Variants in ZFPM1 observed in about 807,000 individuals in gnomAD.
ZFPM1 encodes the protein zinc finger protein ZFPM1.
A neutral mutation model predicts 46.3 loss-of-function variants in ZFPM1; 28 were observed. The observed-to-expected ratio is 0.60, with a 90% CI of 0.45 to 0.83. The LOEUF is 0.83. Among genes scored for constraint, ZFPM1 ranks in the 40% least tolerant of loss-of-function variants. The pLI is 0.00. For synonymous variants in ZFPM1, 957 were observed against 675.9 expected (o/e 1.42, Z -6.45); for missense variants, 1,878 against 1,432.4 (o/e 1.31, Z -5.02).
chr16:88,460,922 C>CGGGGCGGGAGGCCTGGTGATGACCGA (rs1907797258), intron 1 of ZFPM1, among the ~76,000 whole-genome samples: 1 of 27,194 alleles, frequency 3.7e-5, no homozygotes, highest in African/African-American at 1.1e-4. Flanking sequence ...GACCGAGGGG[C>CGGGGCGGGAGGCCTGGTGATGACCGA]GGGGCGGGAG....
chr16:88,472,811 G>A (rs1244709146), intron 1 of ZFPM1, among the ~76,000 whole-genome samples: 1 of 152,262 alleles, frequency 6.6e-6, no homozygotes, highest in East Asian at 1.9e-4. Context: ...CTCCCTGATG[G>A]TGGCTCCCAC....
rs1212146508 is a variant in ZFPM1 at position 88,501,618 on chromosome 16, G to A, written c.268+12465G>A. Among the ~76,000 whole-genome samples the A allele has an allele frequency of 2.0e-4, 27 of 134,036 alleles. 4 individuals are homozygous for A. Among genetic ancestry groups the A allele is most frequent in the African/African-American group, 7.5e-4 (26 of 34,768 alleles). 87.9% of individuals were successfully genotyped at this position (134,036 alleles called of 152,430 possible). ...CTCTCCCGCAGGTACTGGTGATGAT[G>A]GAGATAGTGGGCCTGGGTGCGTGGG... is the stretch of plus-strand genomic sequence containing the variant. On this transcript the variant is annotated intron_variant, in intron 3 of 9. Transcript: ENST00000319555.
chr16:88,471,662 G>A lies in ZFPM1; in HGVS notation c.41-14277G>A, dbSNP rs530343481. On this transcript the variant is annotated intron_variant, in intron 1 of 9. Transcript: ENST00000319555. This position sits in a 1 kb window ranked among gnomAD's most constrained non-coding sequence, Gnocchi z 4.1. ...TCAGGGCCCCAAGATGACCGTGGCC[G>A]CGGTGGCTCCCACACACAGTGGAGG... 4.3e-4 allele frequency among the ~76,000 whole-genome samples: 66 copies of A among 152,236 alleles called. No homozygotes were observed. Among genetic ancestry groups the A allele is most frequent in the African/African-American group, 1.5e-3 (62 of 41,532 alleles).
Position 88,533,321 on chromosome 16 carries a change from C to T in ZFPM1, c.1363C>T (p.Pro455Ser), listed in dbSNP as rs1435134637. Residue 455 changes from proline (P) to serine (S), a missense_variant, in exon 10 of 10, where the codon CCC becomes TCC. Physicochemically the swap from Pro to Ser is moderately conservative, Grantham distance 74. Coordinates refer to ENST00000319555, the MANE Select transcript of ZFPM1 (RefSeq NM_153813.3). ...GGCCCAGAATGGAGGCAGCAGCGAG[C>T]CCCCGGCGGCCCCCAGGAGCATCAA... ...PLAQNGGSSEPPAAPRSIKVE... is the reference protein window; with the variant it reads ...PLAQNGGSSESPAAPRSIKVE... 11 of 1,527,966 alleles carry T rather than the reference C, an allele frequency of 7.2e-6. No individual in the cohort carries two copies. The highest frequency in any genetic ancestry group is 6.9e-5 in the African/African-American group (5 of 72,164). 94.7% of individuals were successfully genotyped at this position (1,527,966 alleles called of 1,614,324 possible). A position where few individuals can be genotyped will look rare whatever the true frequency, so the allele number is the denominator to read the frequency against.
intron 3 of ZFPM1, among the ~76,000 whole-genome samples, chr16:88,493,063 A>AGAGCTGTCCCGGGGTGCAGG (rs1861986754): frequency 1.6e-5 from 2 of 121,478 alleles, no homozygotes; most frequent in African/African-American, 3.1e-5. Flanking sequence ...CGGGGTGCGG[A>AGAGCTGTCCCGGGGTGCAGG]GAGCTGTCCC....
At position 88,534,706 on chromosome 16, in the gene ZFPM1, C is replaced by A. The variant is rs1273971995; in HGVS notation, c.2748C>A (p.Gly916=). ...CCTCCCCGCAGCCCGGGTCCCGTGG[C>A]CCCCGGGACGGCCTCGGCCCGGAGC... ...PAASPQPGSR[G]PRDGLGPEPQ... The change falls in exon 10 of 10, where the codon GGC becomes GGA. Residue 916 remains glycine, a synonymous_variant. Transcript: ENST00000319555. The A allele has an allele frequency of 1.0e-6, 1 of 979,272 alleles. No homozygotes were observed. 60.7% of individuals were successfully genotyped at this position (979,272 alleles called of 1,614,324 possible). A position where few individuals can be genotyped will look rare whatever the true frequency, so the allele number is the denominator to read the frequency against.
intron 3 of ZFPM1, 127 bp downstream of exon 3, chr16:88,489,280 T>G: frequency 1.4e-6 from 2 of 1,390,682 alleles, no homozygotes; most frequent in Non-Finnish European, 1.9e-6. Context: ...GGCCCAGGCC[T>G]GTGCCTAGTC....
intron 1 of ZFPM1, among the ~76,000 whole-genome samples, chr16:88,477,272 G>C (rs1472951601): frequency 6.6e-6 from 1 of 152,268 alleles, no homozygotes; most frequent in African/African-American, 2.4e-5. Flanking sequence ...CAGCGGAGAA[G>C]GGCACGGGGA....
At chr16:88,532,452 C>T (rs1597289462) in intron 7 of ZFPM1, among the ~76,000 whole-genome samples, 162 bp from the exon 8 acceptor site, 1 of 151,970 alleles carries the variant, frequency 6.6e-6, no homozygotes, top group African/African-American at 2.4e-5. Context: ...CACTGCTGTC[C>T]CGAGAGACAA....
chr16:88,528,203 G>A lies in ZFPM1; in HGVS notation c.677G>A (p.Gly226Glu). 1 of 1,610,244 alleles carries A rather than the reference G, an allele frequency of 6.2e-7. No individual in the cohort carries two copies. The highest frequency in any genetic ancestry group is 1.1e-5 in the South Asian group (1 of 90,836). ...CTCCAGCTCCTGCCCCAGCAGGCCG[G>A]GATGGCCTCCATCCTTGCCACCGCA... ...HDLQLLPQQA[G>E]MASILATAVI... The change falls in exon 6 of 10, where the codon GGG becomes GAG. Residue 226 changes from glycine to glutamate, a missense_variant. Transcript: ENST00000319555.
rs556189738 is a variant in ZFPM1 at position 88,467,069 on chromosome 16, G to T, written c.40+13391G>T. On this transcript the variant is annotated intron_variant, in intron 1 of 9. Transcript: ENST00000319555. ...CAGCCCACCCTCCCTGAATCCTACT[G>T]GCATTCTTCCTGCACGGTTTTCCGC... is the stretch of plus-strand genomic sequence containing the variant. Among the ~76,000 whole-genome samples, 11 of 152,198 alleles carry T rather than the reference G, an allele frequency of 7.2e-5. No individual in the cohort carries two copies. The South Asian group carries it at 2.1e-3, about 29-fold the overall frequency.
At chr16:88,494,445 C>G (rs1032761370) in intron 3 of ZFPM1, among the ~76,000 whole-genome samples, 1 of 152,184 alleles carries the variant, frequency 6.6e-6, no homozygotes, top group East Asian at 1.9e-4. Flanking sequence ...GCAGGACGCC[C>G]GGCCGGGGTG....
chr16:88,478,515 G>A (rs766018610), intron 1 of ZFPM1, among the ~76,000 whole-genome samples: 7 of 152,256 alleles, frequency 4.6e-5, no homozygotes, highest in African/African-American at 1.4e-4. Flanking sequence ...GTAAGGGGTC[G>A]CTGTCACGGT....
chr16:88,517,780 G>A (rs1278110583), intron 4 of ZFPM1, among the ~76,000 whole-genome samples: 1 of 145,252 alleles, frequency 6.9e-6, no homozygotes, highest in African/African-American at 2.6e-5. Context: ...GTAGATGGAT[G>A]GATGAATGAA....
chr16:88,502,875 G>A (rs1910445150), intron 3 of ZFPM1, among the ~76,000 whole-genome samples: 2 of 150,536 alleles, frequency 1.3e-5, no homozygotes, highest in South Asian at 4.2e-4. Context: ...ATGCCCGTTT[G>A]TGGGTCTCTG....
chr16:88,502,081 T>G (rs1199710792), intron 3 of ZFPM1, among the ~76,000 whole-genome samples: 1 of 131,290 alleles, frequency 7.6e-6, no homozygotes, highest in Non-Finnish European at 1.6e-5. Context: ...TTTATTTATT[T>G]ATTTATTTAT....
At chr16:88,506,222 G>C (rs1013038068) in intron 3 of ZFPM1, among the ~76,000 whole-genome samples, 142 of 108,234 alleles carry the variant, frequency 1.3e-3, no homozygotes, top group Admixed American at 2.9e-3. Flanking sequence ...CCAGGGGCAG[G>C]GGCAGGGAGA....
chr16:88,493,634 G>C (rs577704704), intron 3 of ZFPM1, among the ~76,000 whole-genome samples: 2 of 102,404 alleles, frequency 2.0e-5, no homozygotes, highest in East Asian at 3.8e-4. Flanking sequence ...GAGCTGTCCC[G>C]GGGTGCGGTG....
At chr16:88,499,069 T>C (rs934960701) in intron 3 of ZFPM1, among the ~76,000 whole-genome samples, 1 of 151,938 alleles carries the variant, frequency 6.6e-6, no homozygotes, top group African/African-American at 2.4e-5. Flanking sequence ...CGAGGCCGGC[T>C]CCCCTTCCTT....
Sources: gnomAD v4.1 joint callset for allele counts (sites outside exome capture counted in the v4.1 genomes callset) on GRCh38, gnomAD v4.1.1 for gene constraint, Gnocchi (gnomAD v3.1) non-coding constraint, MANE v1.5 for transcripts, NCBI Gene and HGNC (gene_info 2026-07-23, HGNC 2026-07-21) for gene names.